The following DDHD2 variants were observed in gnomAD, a reference collection of about 807,000 sequenced individuals.
The protein encoded by DDHD2 is triacylglycerol hydrolase DDHD2.
Under a neutral mutation model 91.2 loss-of-function variants are expected in DDHD2, and 62 were observed. The observed-to-expected ratio is 0.68, with a 90% CI of 0.55 to 0.84. DDHD2 has a LOEUF of 0.84. Among genes scored for constraint, DDHD2 ranks in the 40% least tolerant of loss-of-function variants. The pLI is 0.00. For synonymous variants in DDHD2, 271 were observed against 293.9 expected (o/e 0.92, Z 0.80); for missense variants, 740 against 846.9 (o/e 0.87, Z 1.57).
downstream of DDHD2, chr8:38,267,725 C>G (rs768531815): frequency 7.4e-5 from 53 of 712,950 alleles, no homozygotes; most frequent in Non-Finnish European, 1.1e-4. Flanking sequence ...CAGGTGTCAC[C>G]TGGAGGACTG....
At chr8:38,272,068 G>C (rs1808495311), downstream of DDHD2, 1 of 152,214 alleles carries the variant, frequency 6.6e-6, no homozygotes, top group African/African-American at 2.4e-5. Flanking sequence ...CAGGAAAGTT[G>C]TCCAATAGCC....
At chr8:38,257,435 G>C (rs1806605838) in intron 16 of DDHD2, among the ~76,000 whole-genome samples, 1 of 150,514 alleles carries the variant, frequency 6.6e-6, no homozygotes, top group South Asian at 2.1e-4. Context: ...TGTTAGTAGA[G>C]ATGGGGTTTC....
chr8:38,250,117 A>G (rs1365624276), intron 11 of DDHD2: 1 of 165,330 alleles, frequency 6.0e-6, no homozygotes, highest in Non-Finnish European at 1.3e-5. Context: ...GTGTTTCACC[A>G]TATTGGCCAG....
chr8:38,268,057 TA>T, intron 1 of DDHD2: 1 of 1,588,434 alleles, frequency 6.3e-7, no homozygotes, highest in Middle Eastern at 1.9e-4. Flanking sequence ...CTGAGATGGA[TA>T]GAATCCAACC....
In DDHD2 at chr8:38,251,928, C is replaced by T. The variant is rs1005295323; in HGVS notation, c.1361C>T (p.Ala454Val). The change falls in exon 12 of 18, where the codon GCC becomes GTC. Residue 454 changes from alanine (A) to valine (V), a missense_variant. By Grantham distance (64) the Ala-to-Val change is moderately conservative. Around this residue, in one of 2 missense-constraint regions of DDHD2, gnomAD observed 693 missense variants for 764.2 expected, o/e 0.91. Coordinates refer to ENST00000397166, the MANE Select transcript of DDHD2 (RefSeq NM_015214.3). ...ATTCTTTAGGGTATTAAGAGACCAGCCCCGCAGCCTGCTTCAGGGGCAAAC... is the reference window on the plus strand; with the variant it reads ...ATTCTTTAGGGTATTAAGAGACCAGTCCCGCAGCCTGCTTCAGGGGCAAAC... ...RKNSMGIKRP[A>V]PQPASGANIP... is the part of the protein sequence containing the mutation. The T allele has an allele frequency of 1.9e-6, 3 of 1,613,876 alleles. No homozygotes were observed. The highest frequency in any genetic ancestry group is 2.2e-5 in the South Asian group (2 of 91,078).
intron 1 of DDHD2, chr8:38,268,981 C>A: frequency 6.4e-7 from 1 of 1,573,152 alleles, no homozygotes; most frequent in South Asian, 1.1e-5. Context: ...GGGGGAGCAG[C>A]TCCGTCACCC....
chr8:38,239,850 C>A (rs949456552), intron 5 of DDHD2, among the ~76,000 whole-genome samples: 3 of 150,416 alleles, frequency 2.0e-5, no homozygotes, highest in East Asian at 4.0e-4. Flanking sequence ...CTCAGCCTCG[C>A]GAGTAGCTGG....
chr8:38,256,186 C>T (rs1029604063), intron 16 of DDHD2, among the ~76,000 whole-genome samples: 5 of 152,184 alleles, frequency 3.3e-5, no homozygotes, highest in African/African-American at 1.2e-4. Context: ...CTCTTCCCCA[C>T]TCCTCCTAAT....
chr8:38,248,308 A>G (rs1463851499), intron 10 of DDHD2, among the ~76,000 whole-genome samples: 2 of 148,752 alleles, frequency 1.3e-5, no homozygotes, highest in Non-Finnish European at 3.0e-5. Context: ...TGATCCACCC[A>G]CCTTGGCCTC....
Position 38,251,935 on chromosome 8 carries a change from G to T in DDHD2, c.1368G>T (p.Gln456His). The T allele has an allele frequency of 6.2e-7, 1 of 1,613,950 alleles. No individual in the cohort carries two copies. Among genetic ancestry groups the T allele is most frequent in the South Asian group, 1.1e-5 (1 of 91,080 alleles). Residue 456 changes from glutamine (Q) to histidine (H), a missense_variant, in exon 12 of 18, where the codon CAG becomes CAT. By Grantham distance (24) the Gln-to-His change is conservative. Around this residue, in one of 2 missense-constraint regions of DDHD2, gnomAD observed 693 missense variants for 764.2 expected, o/e 0.91. Transcript: ENST00000397166. ...AGGGTATTAAGAGACCAGCCCCGCA[G>T]CCTGCTTCAGGGGCAAACATCCCCA... ...NSMGIKRPAPQPASGANIPKE... is the reference protein window; with the variant it reads ...NSMGIKRPAPHPASGANIPKE...
chr8:38,233,888 C>A (rs1465254621), intron 2 of DDHD2, among the ~76,000 whole-genome samples: 2 of 149,678 alleles, frequency 1.3e-5, no homozygotes, highest in Non-Finnish European at 3.0e-5. Context: ...AAGATTGTGC[C>A]ACTGGACTCC....
intron 7 of DDHD2, among the ~76,000 whole-genome samples, chr8:38,245,198 G>A (rs1237661937): frequency 4.0e-5 from 6 of 151,852 alleles, no homozygotes; most frequent in African/African-American, 7.2e-5. Flanking sequence ...TTGGGAGGCC[G>A]AGGCAGGTAG....
At chr8:38,242,094 C>A in intron 6 of DDHD2, 156 bp from the exon 7 acceptor site, 3 of 586,192 alleles carry the variant, frequency 5.1e-6, no homozygotes, top group South Asian at 5.1e-5. Flanking sequence ...TTCCTATATG[C>A]ATTCATAATT....
At position 38,234,473 on chromosome 8, in the gene DDHD2, T is replaced by C. The variant is rs760375946; in HGVS notation, c.300T>C (p.Ala100=). Reference sequence around the variant, plus strand: ...ATTTGGGGGAGAGGATGCGGTATGCTGTATACTGGGATGAACTGGCATCGG... The same window carrying C: ...ATTTGGGGGAGAGGATGCGGTATGCCGTATACTGGGATGAACTGGCATCGG... ...DVHLGERMRY[A]VYWDELASEV... is the part of the protein sequence containing the mutation. The change falls in exon 3 of 18, where the codon GCT becomes GCC. Residue 100 remains alanine, a synonymous_variant. Coordinates refer to ENST00000397166, the MANE Select transcript of DDHD2 (RefSeq NM_015214.3). 4 of 1,613,176 alleles carry C rather than the reference T, an allele frequency of 2.5e-6. No individual in the cohort carries two copies. The highest frequency in any genetic ancestry group is 1.3e-5 in the African/African-American group (1 of 74,890).
chr8:38,264,127 C>T, downstream of DDHD2: 1 of 1,011,452 alleles, frequency 9.9e-7, no homozygotes, highest in African/African-American at 1.7e-5. Flanking sequence ...GCTAGTTCAC[C>T]TGTTCTCTAT....
At chr8:38,267,065 A>C, downstream of DDHD2, 1 of 1,428,302 alleles carries the variant, frequency 7.0e-7, no homozygotes, top group Non-Finnish European at 9.2e-7. Context: ...AATCTCATGA[A>C]GGTAAACTAC....
intron 16 of DDHD2, among the ~76,000 whole-genome samples, chr8:38,254,174 C>T (rs1252527648): frequency 6.6e-6 from 1 of 151,968 alleles, no homozygotes; most frequent in Non-Finnish European, 1.5e-5. Flanking sequence ...GGTTTAAACA[C>T]ACTGTTGTTT....
chr8:38,252,122 C>T lies in DDHD2; in HGVS notation c.1462-10C>T, dbSNP rs1806157175. 2.5e-6 allele frequency: 4 copies of T among 1,612,374 alleles called. No homozygotes were observed. Among genetic ancestry groups the T allele is most frequent in the African/African-American group, 1.3e-5 (1 of 74,758 alleles). ...ATTAATGAGAGATGCTTTTATTTTC[C>T]TCCTTTGAGGTGTCTGTGAAATACC... On this transcript the variant is annotated splice_polypyrimidine_tract_variant and intron_variant, in intron 12 of 17. Coordinates refer to ENST00000397166, the MANE Select transcript of DDHD2 (RefSeq NM_015214.3).
chr8:38,252,396 A>G, intron 13 of DDHD2, 109 bp downstream of exon 13: 5 of 1,236,868 alleles, frequency 4.0e-6, no homozygotes, highest in Non-Finnish European at 5.6e-6. Flanking sequence ...ATTGTCTAGC[A>G]ATGAGACAAC....
Sources: allele counts gnomAD v4.1 joint callset (sites outside exome capture counted in the v4.1 genomes callset), GRCh38; gene constraint gnomAD v4.1.1; regional missense constraint gnomAD v4.1.1; transcripts MANE v1.5; gene names NCBI Gene and HGNC (gene_info 2026-07-23, HGNC 2026-07-21).